Variants in LTA observed in about 807,000 individuals in gnomAD.
LTA encodes the protein lymphotoxin alpha.
A neutral mutation model predicts 15.1 loss-of-function variants in LTA; 6 were observed. The observed-to-expected ratio is 0.40, with a 90% CI of 0.22 to 0.78. The LOEUF is 0.78. LTA is among the 30% of genes least tolerant of loss of function. LTA has a pLI of 0.38. For missense variants in LTA, 173 were observed against 249.5 expected (o/e 0.69, Z 2.06); for synonymous variants, 87 against 107.3 (o/e 0.81, Z 1.17).
chr6:31,567,674 A>ACGCACG (rs1554281431), upstream of LTA, among the ~76,000 whole-genome samples: 2 of 45,510 alleles, frequency 4.4e-5, no homozygotes, highest in Non-Finnish European at 4.8e-5. Flanking sequence ...ACACACACAC[A>ACGCACG]CACGCACGCA....
upstream of LTA, among the ~76,000 whole-genome samples, chr6:31,567,608 C>G (rs1295194135): frequency 6.8e-6 from 1 of 147,164 alleles, no homozygotes; most frequent in Non-Finnish European, 1.5e-5. Context: ...CCCTCTTTCT[C>G]TCTCTCTCTC....
chr6:31,572,707 T>G, intron 1 of LTA, 27 bp from the exon 2 acceptor site: 19 of 1,330,252 alleles, frequency 1.4e-5, no homozygotes, highest in Non-Finnish European at 2.0e-5. Flanking sequence ...GCTCACTGTC[T>G]CTCTCTCTCT....
rs55901535 is a variant in LTA, at chr6:31,572,642, G to A, written c.-9-92G>A. 2.9e-4 allele frequency: 243 copies of A among 829,012 alleles called. 1 individual carries two copies. The highest frequency in any genetic ancestry group is 4.3e-4 in the Non-Finnish European group (217 of 504,670). 51.4% of individuals were successfully genotyped at this position (829,012 alleles called of 1,614,324 possible). A position where few individuals can be genotyped will look rare whatever the true frequency, so the allele number is the denominator to read the frequency against. ...TCTGTCGATCTCTCTCTCGGGGGTCGGGGGGTGCTCTCTCCCAGGGCGGGA... is the reference window on the plus strand; with the variant it reads ...TCTGTCGATCTCTCTCTCGGGGGTCAGGGGGTGCTCTCTCCCAGGGCGGGA... On this transcript the variant is annotated intron_variant, in intron 1 of 3. Coordinates refer to ENST00000418386, the MANE Select transcript of LTA (RefSeq NM_000595.4).
Position 31,574,226 on chromosome 6 carries a change from G to A in LTA, c.*533G>A, listed in dbSNP as rs902865970. On this transcript the variant is annotated 3_prime_UTR_variant, in exon 4 of 4. Transcript: ENST00000418386. ...AGGCATGAGGGATCACAGGGCCCCA[G>A]AAGGCAGGGAAAGGCTCTGAAAGCC... 2 of 198,210 alleles carry A rather than the reference G, an allele frequency of 1.0e-5. No homozygotes were observed. The highest frequency in any genetic ancestry group is 2.1e-5 in the Non-Finnish European group (2 of 95,042). 12.3% of individuals were successfully genotyped at this position (198,210 alleles called of 1,614,324 possible). A position where few individuals can be genotyped will look rare whatever the true frequency, so the allele number is the denominator to read the frequency against.
chr6:31,573,002 C>T lies in LTA; in HGVS notation c.174C>T (p.His58=). 1.9e-6 allele frequency: 3 copies of T among 1,612,810 alleles called. No individual in the cohort carries two copies. The highest frequency in any genetic ancestry group is 2.5e-6 in the Non-Finnish European group (3 of 1,179,912). The change falls in exon 3 of 4, where the codon CAC becomes CAT. Residue 58 remains histidine (H), a synonymous_variant. Transcript: ENST00000418386. ...AGCACCCCAAGATGCATCTTGCCCA[C>T]AGCACCCTCAAACCTGCTGCTCACC... ...ARQHPKMHLA[H]STLKPAAHLI...
chr6:31,564,039 G>A, the LTA span, among the ~76,000 whole-genome samples: 2 of 152,218 alleles, frequency 1.3e-5, no homozygotes, highest in South Asian at 4.1e-4. Flanking sequence ...CTGATTCAAG[G>A]GGAGGCAGAG....
upstream of LTA, among the ~76,000 whole-genome samples, chr6:31,570,764 A>G (rs2150382579): frequency 6.6e-6 from 1 of 152,310 alleles, no homozygotes; most frequent in South Asian, 2.1e-4. Flanking sequence ...GAATCTCACA[A>G]ACATAATGCT....
At chr6:31,569,949 C>T (rs1770748519), upstream of LTA, among the ~76,000 whole-genome samples, 1 of 152,068 alleles carries the variant, frequency 6.6e-6, no homozygotes, top group African/African-American at 2.4e-5. Context: ...TTGCTGGGAT[C>T]CCCCCAGTCC....
upstream of LTA, chr6:31,571,958 C>T (rs56161754): frequency 4.8e-3 from 736 of 154,180 alleles, 4 homozygotes; most frequent in Non-Finnish European, 4.1e-3. Flanking sequence ...TTCAGGGAAC[C>T]GGGCCTCCAG....
chr6:31,572,986 A>G lies in LTA; in HGVS notation c.158A>G (p.Lys53Arg). Residue 53 changes from lysine to arginine, a missense_variant, in exon 3 of 4, where the codon AAG (lysine) becomes AGG (arginine). By Grantham distance (26) the Lys-to-Arg change is conservative (BLOSUM62 2). Coordinates refer to ENST00000418386, the MANE Select transcript of LTA (RefSeq NM_000595.4). ...SAAQTARQHPKMHLAHSTLKP... is the reference protein window; with the variant it reads ...SAAQTARQHPRMHLAHSTLKP... Reference sequence around the variant, plus strand: ...GCCCAGACTGCCCGTCAGCACCCCAAGATGCATCTTGCCCACAGCACCCTC... The same window carrying G: ...GCCCAGACTGCCCGTCAGCACCCCAGGATGCATCTTGCCCACAGCACCCTC... 6.2e-7 allele frequency: 1 copy of G among 1,612,668 alleles called. No individual in the cohort carries two copies. The highest frequency in any genetic ancestry group is 8.5e-7 in the Non-Finnish European group (1 of 1,179,848).
At chr6:31,569,888 C>T (rs1200880360), upstream of LTA, among the ~76,000 whole-genome samples, 1 of 152,038 alleles carries the variant, frequency 6.6e-6, no homozygotes, top group Non-Finnish European at 1.5e-5. Flanking sequence ...TGCCCTATAC[C>T]TGGGAGGAAG....
At chr6:31,573,206 C>T in intron 3 of LTA, 75 bp from the exon 4 acceptor site, 1 of 1,462,306 alleles carries the variant, frequency 6.8e-7, no homozygotes, top group Non-Finnish European at 9.4e-7. Context: ...TTGTTCAGTG[C>T]CCACTTCCTC....
the LTA span, among the ~76,000 whole-genome samples, chr6:31,561,422 G>A: frequency 6.6e-6 from 1 of 152,176 alleles, no homozygotes; most frequent in African/African-American, 2.4e-5. Flanking sequence ...CCTCACTCCT[G>A]TAATCACAGC....
At chr6:31,570,293 A>C (rs1733839929), upstream of LTA, among the ~76,000 whole-genome samples, 1 of 152,210 alleles carries the variant, frequency 6.6e-6, no homozygotes, top group Non-Finnish European at 1.5e-5. Flanking sequence ...CAGGAGAAAT[A>C]GCTCATACAC....
chr6:31,565,360 A>G, the LTA span, among the ~76,000 whole-genome samples: 1 of 152,204 alleles, frequency 6.6e-6, no homozygotes, highest in Non-Finnish European at 1.5e-5. Context: ...CCCAGTGGGA[A>G]TTCAGAAGAC....
intron 3 of LTA, 52 bp downstream of exon 3, chr6:31,573,085 C>T (rs1233435705): frequency 4.7e-6 from 7 of 1,492,290 alleles, no homozygotes; most frequent in Non-Finnish European, 6.5e-6. Context: ...CTCCTCCTAC[C>T]CCTGCCTCAG....
Position 31,573,935 on chromosome 6 carries a change from T to G in LTA, c.*242T>G. The G allele has an allele frequency of 8.9e-6, 6 of 676,010 alleles. No individual in the cohort carries two copies. Among genetic ancestry groups the G allele is most frequent in the East Asian group, 5.8e-5 (2 of 34,640 alleles). 41.9% of individuals were successfully genotyped at this position (676,010 alleles called of 1,614,324 possible). ...TGAGGATTTCAAGCCTGCCTAGGAA[T>G]TCCCAGCCCAAAGCTGTTGGTCTGT... On this transcript the variant is annotated 3_prime_UTR_variant, in exon 4 of 4. Coordinates refer to ENST00000418386, the MANE Select transcript of LTA (RefSeq NM_000595.4).
In LTA at chr6:31,573,972, G is replaced by A. The variant is rs1008158430; in HGVS notation, c.*279G>A. The A allele has an allele frequency of 1.7e-5, 11 of 634,754 alleles. No individual in the cohort carries two copies. The highest frequency in any genetic ancestry group is 2.7e-4 in the Middle Eastern group (1 of 3,766). 39.3% of individuals were successfully genotyped at this position (634,754 alleles called of 1,614,324 possible). ...AGCTGTTGGTCTGTCCCACCAGCTA[G>A]GTGGGGCCTAGATCCACACACAGAG... On this transcript the variant is annotated 3_prime_UTR_variant, in exon 4 of 4. Transcript: ENST00000418386.
intron 1 of LTA, 69 bp downstream of exon 1, chr6:31,572,515 A>G: frequency 1.7e-6 from 1 of 588,702 alleles, no homozygotes; most frequent in South Asian, 2.1e-5. Flanking sequence ...TCTCTGTCAC[A>G]CATTCTCTGT....
Sources: gnomAD v4.1 joint callset for allele counts (sites outside exome capture counted in the v4.1 genomes callset) on GRCh38, gnomAD v4.1.1 for gene constraint, MANE v1.5 for transcripts, NCBI Gene and HGNC (gene_info 2026-07-23, HGNC 2026-07-21) for gene names.